The following ADAM22 variants were observed in gnomAD, a reference collection of about 807,000 sequenced individuals.
The protein encoded by ADAM22 is disintegrin and metalloproteinase domain-containing protein 22.
In ADAM22, 65 loss-of-function variants were observed where a neutral mutation model predicts 144.6. The observed-to-expected ratio is 0.45, with a 90% confidence interval of 0.37 to 0.55. The LOEUF is 0.55. Among genes scored for constraint, ADAM22 ranks in the 20% least tolerant of loss-of-function variants. ADAM22 has a pLI of 0.00. For synonymous variants in ADAM22, 391 were observed against 412.6 expected (o/e 0.95, Z 0.63); for missense variants, 974 against 1,184.9 (o/e 0.82, Z 2.61).
intron 3 of ADAM22, among the ~76,000 whole-genome samples, chr7:88,065,185 C>T (rs867044471): frequency 7.2e-5 from 11 of 151,926 alleles, no homozygotes; most frequent in Non-Finnish European, 1.6e-4. Context: ...TATTTTTTCC[C>T]GTGCATTGTT....
At chr7:88,162,075 ACT>A (rs1841807498) in intron 22 of ADAM22, among the ~76,000 whole-genome samples, 1 of 145,388 alleles carries the variant, frequency 6.9e-6, no homozygotes, top group Non-Finnish European at 1.5e-5. Flanking sequence ...TCAGTGGCAG[ACT>A]GGATAAAGAA....
chr7:88,070,280 G>A (rs1425461593), intron 3 of ADAM22, among the ~76,000 whole-genome samples: 6 of 152,120 alleles, frequency 3.9e-5, no homozygotes, highest in Non-Finnish European at 8.8e-5. Context: ...TTTTGTTTAG[G>A]TGAGAATGTC....
chr7:88,184,140 C>A (rs1033583241), intron 29 of ADAM22, among the ~76,000 whole-genome samples: 2 of 152,080 alleles, frequency 1.3e-5, no homozygotes, highest in African/African-American at 4.8e-5. Context: ...AAACATGCAC[C>A]ATAAAGGCAT....
chr7:88,109,739 A>G (rs1208671272), intron 5 of ADAM22, among the ~76,000 whole-genome samples: 1 of 151,900 alleles, frequency 6.6e-6, no homozygotes, highest in Non-Finnish European at 1.5e-5. Context: ...GAGGAAAAAA[A>G]AAAAAACAAA....
At chr7:88,052,093 C>T (rs1445640116) in intron 3 of ADAM22, among the ~76,000 whole-genome samples, 2 of 152,048 alleles carry the variant, frequency 1.3e-5, no homozygotes, top group Non-Finnish European at 2.9e-5. Flanking sequence ...CACCATGGGC[C>T]GTTTACTGCC....
At chr7:88,057,047 G>T (rs1333298836) in intron 3 of ADAM22, among the ~76,000 whole-genome samples, 1 of 152,116 alleles carries the variant, frequency 6.6e-6, no homozygotes, top group Admixed American at 6.6e-5. Context: ...TACAATAAAA[G>T]CTGTATTGCT....
intron 2 of ADAM22, chr7:87,964,615 T>A (rs1000497323): frequency 3.1e-5 from 13 of 421,860 alleles, no homozygotes; most frequent in Non-Finnish European, 5.5e-5. Context: ...AAAATTGTAC[T>A]CATTTAATTT....
rs986026605 is a variant in ADAM22, at chr7:88,141,218, A to G, written c.1221-1808A>G. On this transcript the variant is annotated intron_variant, in intron 14 of 31. Transcript: ENST00000413139. ...CAAAGTGTGGGAAAGAGCAGGCTGC[A>G]AGGCAGGAGGCTGTAAAACAGGCTG... Among the ~76,000 whole-genome samples the G allele has an allele frequency of 3.3e-5, 5 of 152,178 alleles. No individual in the cohort carries two copies. The East Asian group carries it at 9.6e-4, about 29-fold the overall frequency.
At chr7:88,020,252 CATT>C (rs1483634914) in intron 3 of ADAM22, among the ~76,000 whole-genome samples, 1 of 152,170 alleles carries the variant, frequency 6.6e-6, no homozygotes. Flanking sequence ...ATGACAAACT[CATT>C]AGTATATTTT....
chr7:87,987,398 C>T (rs536332006), intron 3 of ADAM22, among the ~76,000 whole-genome samples: 4 of 152,154 alleles, frequency 2.6e-5, no homozygotes, highest in Admixed American at 6.5e-5. Flanking sequence ...AGGCTGGTCT[C>T]GAACTCCTGA....
intron 25 of ADAM22, 81 bp from the exon 26 acceptor site, chr7:88,171,463 G>A: frequency 7.7e-7 from 1 of 1,291,660 alleles, no homozygotes; most frequent in Non-Finnish European, 1.1e-6. Flanking sequence ...GAGCTTTTAT[G>A]TTTAGAGCTC....
At chr7:88,191,351 ACACATGCTGCAG>A in intron 30 of ADAM22, among the ~76,000 whole-genome samples, 1 of 152,262 alleles carries the variant, frequency 6.6e-6, no homozygotes, top group Non-Finnish European at 1.5e-5. Context: ...TGGTGTGGAC[ACACATGCTGCAG>A]CAGATTAAAA....
At chr7:88,157,677 C>T (rs1052783422) in intron 22 of ADAM22, among the ~76,000 whole-genome samples, 8 of 152,036 alleles carry the variant, frequency 5.3e-5, no homozygotes, top group African/African-American at 1.7e-4. Context: ...GCTACGAAAC[C>T]GGCACATGTG....
intron 3 of ADAM22, among the ~76,000 whole-genome samples, chr7:87,999,005 A>G (rs951749848): frequency 3.3e-5 from 5 of 152,222 alleles, no homozygotes; most frequent in Admixed American, 6.5e-5. Flanking sequence ...TCTCAACTCC[A>G]AAACACATCT....
chr7:88,059,919 T>G (rs1447882840), intron 3 of ADAM22, among the ~76,000 whole-genome samples: 1 of 152,028 alleles, frequency 6.6e-6, no homozygotes, highest in Non-Finnish European at 1.5e-5. Flanking sequence ...GGGTACTATA[T>G]TTACTATTTG....
At chr7:88,113,129 T>A (rs1329453846) in intron 5 of ADAM22, among the ~76,000 whole-genome samples, 1 of 147,918 alleles carries the variant, frequency 6.8e-6, no homozygotes, top group East Asian at 2.0e-4. Flanking sequence ...CTTTTTTTTT[T>A]TTTTTTTTTT....
chr7:88,089,291 G>A (rs1819230721), intron 4 of ADAM22, among the ~76,000 whole-genome samples: 1 of 151,980 alleles, frequency 6.6e-6, no homozygotes, highest in Non-Finnish European at 1.5e-5. Context: ...ACAGACCTTG[G>A]TGTGCAGTAA....
At chr7:88,042,213 G>A (rs147800788) in intron 3 of ADAM22, among the ~76,000 whole-genome samples, 3 of 152,024 alleles carry the variant, frequency 2.0e-5, no homozygotes, top group Non-Finnish European at 4.4e-5. Flanking sequence ...GTTTTTGATT[G>A]TTTATTTAGT....
chr7:88,093,375 G>A (rs1820444252), intron 4 of ADAM22, among the ~76,000 whole-genome samples: 1 of 152,034 alleles, frequency 6.6e-6, no homozygotes, highest in Non-Finnish European at 1.5e-5. Context: ...AGTTTCCAGT[G>A]AATAAGGTGT....
Sources: allele counts gnomAD v4.1 joint callset (sites outside exome capture counted in the v4.1 genomes callset), GRCh38; gene constraint gnomAD v4.1.1; transcripts MANE v1.5; gene names NCBI Gene and HGNC (gene_info 2026-07-23, HGNC 2026-07-21).